Variants in GLIS3 observed in about 807,000 individuals in gnomAD.
GLIS3 encodes GLIS family zinc finger 3.
GLIS3 carries 53 observed loss-of-function variants against 78.6 expected under a neutral mutation model. The observed-to-expected ratio is 0.67, with a 90% confidence interval of 0.54 to 0.85. The LOEUF (loss-of-function observed/expected upper bound fraction) is 0.85, where lower values mean the gene tolerates loss of function less well. GLIS3 is among the 40% of genes least tolerant of loss of function. GLIS3 has a pLI of 0.00. For missense variants in GLIS3, 1,703 were observed against 1,231.1 expected, an observed-to-expected ratio of 1.38 and a Z score of -5.74; for synonymous variants, 684 against 509.9, an observed-to-expected ratio of 1.34 and a Z score of -4.60.
chr9:3,986,513 A>C (rs1819752640), intron 4 of GLIS3, among the ~76,000 whole-genome samples: 1 of 152,224 alleles, frequency 6.6e-6, no homozygotes, highest in African/African-American at 2.4e-5. Context: ...TTTCTTCCCC[A>C]GTTCCATTTG....
intron 8 of GLIS3, among the ~76,000 whole-genome samples, chr9:3,864,741 A>T (rs1158570590): frequency 1.3e-5 from 2 of 152,220 alleles, no homozygotes; most frequent in African/African-American, 4.8e-5. Context: ...ATTTGACTAG[A>T]GAAATGAATG....
At chr9:4,403,410 G>A in the GLIS3 span, among the ~76,000 whole-genome samples, 1 of 152,096 alleles carries the variant, frequency 6.6e-6, no homozygotes, top group Non-Finnish European at 1.5e-5. Flanking sequence ...GAAAAACACA[G>A]AATAATATGA....
chr9:4,330,817 C>G (rs1054232514), intron 2 of GLIS3, among the ~76,000 whole-genome samples: 1 of 152,130 alleles, frequency 6.6e-6, no homozygotes, highest in African/African-American at 2.4e-5. Flanking sequence ...TGCTGAGAGA[C>G]TTTTCAGAAT....
chr9:4,071,068 G>A (rs1286949970), intron 4 of GLIS3: 1 of 152,138 alleles, frequency 6.6e-6, no homozygotes, highest in Admixed American at 6.6e-5. Context: ...AGATCTGTAA[G>A]ATCTTTCAGT....
At chr9:3,884,866 G>T (rs937164513) in intron 7 of GLIS3, among the ~76,000 whole-genome samples, 3 of 152,226 alleles carry the variant, frequency 2.0e-5, no homozygotes, top group African/African-American at 7.2e-5. Context: ...AGGCAAGACA[G>T]ATTCAAGAAA....
At chr9:4,022,581 C>T (rs537822397) in intron 4 of GLIS3, among the ~76,000 whole-genome samples, 147 of 152,228 alleles carry the variant, frequency 9.7e-4, no homozygotes, top group Middle Eastern at 3.4e-3. Flanking sequence ...TAGTAATTTG[C>T]CCCAGAGAAA....
intron 2 of GLIS3, among the ~76,000 whole-genome samples, chr9:4,187,714 C>T (rs1231658312): frequency 6.6e-6 from 1 of 152,156 alleles, no homozygotes; most frequent in African/African-American, 2.4e-5. Flanking sequence ...TCTTTCACAT[C>T]CCTTGTAAGT....
At chr9:3,926,955 C>T (rs1298254834) in intron 6 of GLIS3, among the ~76,000 whole-genome samples, 2 of 152,180 alleles carry the variant, frequency 1.3e-5, no homozygotes, top group East Asian at 1.9e-4. Flanking sequence ...TGAATGTGTT[C>T]CCACTACAAA....
rs1817674908 is a variant in GLIS3, at chr9:3,825,423, G to A, written c.*2849C>T. 6.7e-6 allele frequency: 1 copy of A among 150,362 alleles called. No individual in the cohort carries two copies. The highest frequency in any genetic ancestry group is 2.4e-5 in the African/African-American group (1 of 41,304). 9.3% of individuals were successfully genotyped at this position (150,362 alleles called of 1,614,324 possible). A position where few individuals can be genotyped will look rare whatever the true frequency, so the allele number is the denominator to read the frequency against. ...AATGCAGCCAATGAAATGTCTCTAG[G>A]CAGACTGATTTTTTTTTTAATGCAA... is the stretch of plus-strand genomic sequence containing the variant. On this transcript the variant is annotated 3_prime_UTR_variant, in exon 11 of 11. Transcript: ENST00000381971.
At chr9:4,427,914 A>G in the GLIS3 span, among the ~76,000 whole-genome samples, 1 of 152,076 alleles carries the variant, frequency 6.6e-6, no homozygotes, top group East Asian at 1.9e-4. Flanking sequence ...TAGAAAATTT[A>G]CTAGACTGCT....
At chr9:4,400,997 C>A in the GLIS3 span, among the ~76,000 whole-genome samples, 1 of 152,158 alleles carries the variant, frequency 6.6e-6, no homozygotes, top group Non-Finnish European at 1.5e-5. Context: ...GCTACTGTGG[C>A]TATGATGAAA....
intron 2 of GLIS3, among the ~76,000 whole-genome samples, chr9:4,173,898 C>A (rs187635321): frequency 1.4e-5 from 2 of 147,464 alleles, no homozygotes; most frequent in East Asian, 4.1e-4. Flanking sequence ...AATCCTAGTC[C>A]GAGTACCCAG....
rs1300342681 is a variant in GLIS3, at chr9:4,118,709, C to G, written c.769G>C (p.Gly257Arg). ...DLGDLLSLPP[G>R]TSMSSNSVSN... is the part of the protein sequence containing the mutation. The stretch of plus-strand genomic sequence containing the variant: ...ACACTATTGCTGGACATGGATGTCC[C>G]GGGAGGAAGGCTAAGGAGATCCCCT... The change falls in exon 4 of 11, where the codon GGG (glycine) becomes CGG (arginine). Residue 257 changes from glycine (G) to arginine (R), a missense_variant. Physicochemically the swap from Gly to Arg is moderately radical, Grantham distance 125. Coordinates refer to ENST00000381971, the MANE Select transcript of GLIS3 (RefSeq NM_001042413.2). The surrounding 1 kb of genome is among the most constrained non-coding windows in gnomAD (Gnocchi z 4.7). 6.2e-7 allele frequency: 1 copy of G among 1,613,782 alleles called. No homozygotes were observed.
the GLIS3 span, among the ~76,000 whole-genome samples, chr9:4,417,422 C>T: frequency 6.6e-6 from 1 of 152,164 alleles, no homozygotes; most frequent in East Asian, 1.9e-4. Context: ...ATTTTGTATA[C>T]CATGCTTCAC....
the GLIS3 span, among the ~76,000 whole-genome samples, chr9:4,369,086 T>C: frequency 6.6e-6 from 1 of 152,226 alleles, no homozygotes; most frequent in African/African-American, 2.4e-5. Flanking sequence ...AGTACTTAGA[T>C]GCTTTCTTAT....
At chr9:3,963,518 T>C (rs546138660) in intron 4 of GLIS3, among the ~76,000 whole-genome samples, 20 of 152,196 alleles carry the variant, frequency 1.3e-4, no homozygotes, top group African/African-American at 3.9e-4. Context: ...TGGCTTCCCA[T>C]CTCCCAACTG....
rs1030808554 is a variant in GLIS3 at position 3,995,262 on chromosome 9, C to A, written c.1711-58073G>T. On this transcript the variant is annotated intron_variant, in intron 4 of 10. Coordinates refer to ENST00000381971, the MANE Select transcript of GLIS3 (RefSeq NM_001042413.2). ...CCTGAATTCATGTTTCTCATGTGGTCCAAAACACTCAAAAACTGATATTTT... is the reference window on the plus strand; with the variant it reads ...CCTGAATTCATGTTTCTCATGTGGTACAAAACACTCAAAAACTGATATTTT... Among the ~76,000 whole-genome samples, 3 of 151,874 alleles carry A rather than the reference C, an allele frequency of 2.0e-5. No homozygotes were observed. The East Asian group carries it at 5.8e-4, about 29-fold the overall frequency.
chr9:4,148,357 C>T (rs1418551490), intron 2 of GLIS3, among the ~76,000 whole-genome samples: 1 of 152,144 alleles, frequency 6.6e-6, no homozygotes, highest in African/African-American at 2.4e-5. Flanking sequence ...CTGGTCACCA[C>T]ATCCCCACGT....
intron 4 of GLIS3, among the ~76,000 whole-genome samples, chr9:4,103,270 G>A (rs1830508356): frequency 6.6e-6 from 1 of 151,984 alleles, no homozygotes; most frequent in African/African-American, 2.4e-5. Context: ...GGCTTCGTTG[G>A]TCAAGAACAG....
Sources: gnomAD v4.1 joint callset for allele counts (sites outside exome capture counted in the v4.1 genomes callset) on GRCh38, gnomAD v4.1.1 for gene constraint, Gnocchi (gnomAD v3.1) non-coding constraint, MANE v1.5 for transcripts, NCBI Gene and HGNC (gene_info 2026-07-23, HGNC 2026-07-21) for gene names.